The following ANO3 variants were observed in gnomAD, a reference collection of about 807,000 sequenced individuals.
The protein encoded by ANO3 is anoctamin-3.
A neutral mutation model predicts 144.8 loss-of-function variants in ANO3; 99 were observed. The observed-to-expected ratio is 0.68, with a 90% CI of 0.58 to 0.81. The LOEUF is 0.81. Among genes scored for constraint, ANO3 ranks in the 30% least tolerant of loss-of-function variants. ANO3 has a pLI of 0.00. For missense variants in ANO3, 905 were observed against 1,202.2 expected (o/e 0.75, Z 3.66); for synonymous variants, 414 against 392.6 (o/e 1.05, Z -0.64).
At chr11:26,587,539 T>G (rs1291183018) in intron 14 of ANO3, among the ~76,000 whole-genome samples, 2 of 152,212 alleles carry the variant, frequency 1.3e-5, no homozygotes, top group African/African-American at 4.8e-5. Flanking sequence ...TTGCCTGTGT[T>G]CATAACTTAG....
chr11:26,453,660 A>G (rs1013906595), intron 3 of ANO3, among the ~76,000 whole-genome samples: 4 of 152,168 alleles, frequency 2.6e-5, no homozygotes, highest in Non-Finnish European at 5.9e-5. Flanking sequence ...TGTCAACATT[A>G]GACAGATCAA....
At chr11:26,559,801 T>G (rs773482096) in intron 14 of ANO3, 22 bp downstream of exon 14, 1 of 1,526,288 alleles carries the variant, frequency 6.6e-7, no homozygotes. Context: ...CTTCATTACT[T>G]TCTATCCCTT....
intron 1 of ANO3, among the ~76,000 whole-genome samples, chr11:26,259,981 G>C (rs976377726): frequency 1.3e-5 from 2 of 151,942 alleles, no homozygotes; most frequent in African/African-American, 2.4e-5. Context: ...TAACCCCATA[G>C]GGTCTTTCAT....
intron 1 of ANO3, among the ~76,000 whole-genome samples, chr11:26,339,407 G>A (rs1438509693): frequency 6.6e-6 from 1 of 152,146 alleles, no homozygotes; most frequent in Non-Finnish European, 1.5e-5. Flanking sequence ...GCCTGCCTGG[G>A]CTTCCCAAAG....
chr11:26,633,883 G>A (rs777196558), intron 18 of ANO3, among the ~76,000 whole-genome samples: 90 of 151,934 alleles, frequency 5.9e-4, no homozygotes, highest in Middle Eastern at 6.8e-3. Context: ...CGAGACCACC[G>A]TGGCGAACAT....
At chr11:26,361,017 T>G (rs942263296) in intron 1 of ANO3, among the ~76,000 whole-genome samples, 4 of 152,176 alleles carry the variant, frequency 2.6e-5, no homozygotes, top group African/African-American at 4.8e-5. Context: ...CTCTAAATTT[T>G]ATTCTATTTA....
At chr11:26,217,716 T>C (rs1042316184) in intron 1 of ANO3, among the ~76,000 whole-genome samples, 3 of 152,146 alleles carry the variant, frequency 2.0e-5, no homozygotes, top group African/African-American at 7.2e-5. Context: ...AATGCAGATT[T>C]AAGCTCAAAT....
At chr11:26,384,480 G>A (rs898715675) in intron 1 of ANO3, among the ~76,000 whole-genome samples, 2 of 152,072 alleles carry the variant, frequency 1.3e-5, no homozygotes, top group Non-Finnish European at 2.9e-5. Context: ...TATGAGGTAG[G>A]GCTTAAAGAG....
intron 14 of ANO3, among the ~76,000 whole-genome samples, chr11:26,577,566 A>G: frequency 1.3e-4 from 1 of 7,628 alleles, no homozygotes; most frequent in South Asian, 9.1e-3. Context: ...CTCCGTCTCA[A>G]AAAAAAAAAA....
At chr11:26,358,542 A>G (rs1300997594) in intron 1 of ANO3, among the ~76,000 whole-genome samples, 1 of 149,506 alleles carries the variant, frequency 6.7e-6, no homozygotes, top group Non-Finnish European at 1.5e-5. Flanking sequence ...AATTTGGGAG[A>G]ATTGACCATC....
chr11:26,460,088 A>G (rs767839893), intron 3 of ANO3: 1 of 454,374 alleles, frequency 2.2e-6, no homozygotes, highest in Middle Eastern at 3.3e-4. Flanking sequence ...ACCTGGACCA[A>G]ACAAACCATA....
chr11:26,511,743 A>G (rs1245749448), intron 5 of ANO3, among the ~76,000 whole-genome samples: 1 of 152,146 alleles, frequency 6.6e-6, no homozygotes, highest in East Asian at 1.9e-4. Flanking sequence ...AATAGTAGCT[A>G]ATGTAGGTGA....
intron 1 of ANO3, among the ~76,000 whole-genome samples, chr11:26,197,889 A>G (rs370245749): frequency 2.6e-5 from 4 of 151,988 alleles, no homozygotes; most frequent in African/African-American, 9.7e-5. Flanking sequence ...TCTTTTCCCT[A>G]ATGAACATAA....
In ANO3 at chr11:26,541,889, C is replaced by T. The variant is rs900937350; in HGVS notation, c.1033-58C>T. The T allele has an allele frequency of 3.3e-6, 5 of 1,515,256 alleles. No homozygotes were observed. The African/African-American group carries it at 4.2e-5, about 13-fold the overall frequency. The allele number at this position is 1,515,256 out of a possible 1,614,324, so 93.9% of individuals were successfully genotyped here. ...TCTGCAAGGGAAAATACAGTTCTTACTCAGTTAAAATTTCACTAAAAAATA... is the reference window on the plus strand; with the variant it reads ...TCTGCAAGGGAAAATACAGTTCTTATTCAGTTAAAATTTCACTAAAAAATA... On this transcript the variant is annotated intron_variant, in intron 10 of 26. Coordinates refer to ENST00000256737, the MANE Select transcript of ANO3 (RefSeq NM_031418.4).
chr11:26,476,922 T>TGAGA (rs1860002760), intron 4 of ANO3, among the ~76,000 whole-genome samples: 1 of 145,166 alleles, frequency 6.9e-6, no homozygotes, highest in African/African-American at 2.6e-5. Context: ...TGTGTGTGTG[T>TGAGA]GTGTGTGTGT....
At chr11:26,647,951 T>C (rs1292093580) in intron 24 of ANO3, 95 bp downstream of exon 24, 2 of 1,236,822 alleles carry the variant, frequency 1.6e-6, no homozygotes, top group Non-Finnish European at 2.2e-6. Flanking sequence ...CCATTAAGGG[T>C]GGTGTTTCTA....
chr11:26,266,931 GA>G (rs369595681), intron 1 of ANO3, among the ~76,000 whole-genome samples: 4,051 of 142,546 alleles, frequency 0.028, 78 homozygotes, highest in East Asian at 0.13. Context: ...AATACAAAAA[GA>G]AAAAAAAAAA....
chr11:26,508,450 C>T, intron 5 of ANO3, 188 bp downstream of exon 5: 1 of 465,152 alleles, frequency 2.1e-6, no homozygotes, highest in Non-Finnish European at 3.6e-6. Flanking sequence ...CTATATAATT[C>T]TGTACAATTT....
chr11:26,380,601 T>C (rs1367700097), intron 1 of ANO3, among the ~76,000 whole-genome samples: 1 of 152,186 alleles, frequency 6.6e-6, no homozygotes, highest in Non-Finnish European at 1.5e-5. Flanking sequence ...TGAAATCACC[T>C]TCTAGAGGCC....
Sources: allele counts gnomAD v4.1 joint callset (sites outside exome capture counted in the v4.1 genomes callset), GRCh38; gene constraint gnomAD v4.1.1; transcripts MANE v1.5; gene names NCBI Gene and HGNC (gene_info 2026-07-23, HGNC 2026-07-21).